CDH12: variants seen among roughly 807,000 people sequenced by gnomAD.
The protein encoded by CDH12 is cadherin 12.
CDH12 carries 41 observed loss-of-function variants against 74.1 expected under a neutral mutation model. That is an observed-to-expected ratio of 0.55 (90% CI 0.43 to 0.72). CDH12 has a LOEUF of 0.72. CDH12 is among the 30% of genes least tolerant of loss of function. The pLI is 0.00. For missense variants in CDH12, 945 were observed against 977.2 expected (o/e 0.97, Z 0.44); for synonymous variants, 399 against 355.0 (o/e 1.12, Z -1.39).
intron 8 of CDH12, among the ~76,000 whole-genome samples, chr5:21,824,102 C>T (rs1165411120): frequency 6.6e-6 from 1 of 151,998 alleles, no homozygotes; most frequent in Admixed American, 6.6e-5. Flanking sequence ...AAGACTTCTC[C>T]CCTTGGCCAC....
At position 22,075,130 on chromosome 5, in the gene CDH12, A is replaced by G. The variant is rs1156271351; in HGVS notation, c.231+3316T>C. On this transcript the variant is annotated intron_variant, in intron 5 of 14. Coordinates refer to ENST00000382254, the MANE Select transcript of CDH12 (RefSeq NM_004061.5). ...ATACACCATGGAATTCTATGCAGCC[A>G]TAAAAAAGGATGAGTTCATGTCCTT... Among the ~76,000 whole-genome samples, 8 of 152,106 alleles carry G rather than the reference A, an allele frequency of 5.3e-5. No individual in the cohort carries two copies. The East Asian group carries it at 7.8e-4, about 15-fold the overall frequency.
In CDH12 at chr5:22,160,992, C is replaced by T. The variant is rs1178919697; in HGVS notation, c.-187+51506G>A. On this transcript the variant is annotated intron_variant, in intron 4 of 14. Coordinates refer to ENST00000382254, the MANE Select transcript of CDH12 (RefSeq NM_004061.5). ...TGGGAAAGTCATGCATGGCTCTGCA[C>T]GGAGTCTCTGCCTGGCCCTCATTTA... is the stretch of plus-strand genomic sequence containing the variant. Among the ~76,000 whole-genome samples the T allele has an allele frequency of 3.9e-5, 6 of 152,116 alleles. No individual in the cohort carries two copies. In the East Asian group the frequency reaches 5.8e-4, roughly 15 times the overall value.
chr5:21,844,811 A>T (rs1451268730), intron 7 of CDH12, among the ~76,000 whole-genome samples: 2 of 152,200 alleles, frequency 1.3e-5, no homozygotes, highest in Non-Finnish European at 2.9e-5. Context: ...AAATAGACAG[A>T]TAGCTATAGA....
intron 4 of CDH12, among the ~76,000 whole-genome samples, chr5:22,171,708 C>G (rs1273106532): frequency 6.6e-6 from 1 of 151,958 alleles, no homozygotes; most frequent in African/African-American, 2.4e-5. Context: ...GAACTTAATC[C>G]TTTTAAAACT....
chr5:22,301,700 T>C lies in CDH12; in HGVS notation c.-332-89057A>G, dbSNP rs184272737. On this transcript the variant is annotated intron_variant, in intron 3 of 14. Transcript: ENST00000382254. ...AGGCTGGAGTGCAGCGGCTTGATCT[T>C]GGCTCACTGCAACCTCCATCCCACG... is the stretch of plus-strand genomic sequence containing the variant. Among the ~76,000 whole-genome samples, 111 of 152,136 alleles carry C rather than the reference T, an allele frequency of 7.3e-4. 1 individual carries two copies. The Middle Eastern group carries it at 0.01, about 14-fold the overall frequency.
At chr5:22,539,025 A>G (rs893570213) in intron 1 of CDH12, among the ~76,000 whole-genome samples, 1 of 152,192 alleles carries the variant, frequency 6.6e-6, no homozygotes, top group Non-Finnish European at 1.5e-5. Context: ...CCTCCTGAGT[A>G]GCTGGGATTA....
intron 6 of CDH12, among the ~76,000 whole-genome samples, chr5:21,974,862 A>C (rs1198749731): frequency 2.0e-5 from 3 of 152,204 alleles, no homozygotes; most frequent in Non-Finnish European, 4.4e-5. Flanking sequence ...AATTCAGGTA[A>C]ATTCACAGGG....
At chr5:22,327,884 G>C (rs1361659973) in intron 3 of CDH12, among the ~76,000 whole-genome samples, 1 of 152,168 alleles carries the variant, frequency 6.6e-6, no homozygotes, top group Admixed American at 6.5e-5. Context: ...TTGATAAATA[G>C]ATTCCAAAAA....
chr5:22,200,726 A>G (rs1171465664), intron 4 of CDH12, among the ~76,000 whole-genome samples: 2 of 152,208 alleles, frequency 1.3e-5, no homozygotes, highest in Admixed American at 6.5e-5. Context: ...TAATTGCCCA[A>G]GTAGAAGGAA....
intron 1 of CDH12, among the ~76,000 whole-genome samples, chr5:22,644,914 G>T (rs933874944): frequency 6.6e-6 from 1 of 151,958 alleles, no homozygotes; most frequent in Non-Finnish European, 1.5e-5. Flanking sequence ...CAACAAAGCC[G>T]AGATGACAGC....
intron 2 of CDH12, among the ~76,000 whole-genome samples, chr5:22,428,067 C>T (rs1744014654): frequency 2.0e-5 from 3 of 152,042 alleles, no homozygotes; most frequent in Non-Finnish European, 4.4e-5. Context: ...CTTAAAATTT[C>T]AGTGGTTACA....
intron 6 of CDH12, among the ~76,000 whole-genome samples, chr5:21,927,515 C>T (rs1036495657): frequency 2.6e-5 from 4 of 151,952 alleles, no homozygotes; most frequent in African/African-American, 9.7e-5. Flanking sequence ...CACTTGAACC[C>T]GGGAGGCGGA....
At chr5:22,452,109 A>G (rs1369375552) in intron 2 of CDH12, among the ~76,000 whole-genome samples, 5 of 151,978 alleles carry the variant, frequency 3.3e-5, no homozygotes, top group African/African-American at 7.2e-5. Context: ...CCAAGTTTAT[A>G]AACTGGAAGA....
rs180999228 is a variant in CDH12 at position 21,828,215 on chromosome 5, C to T, written c.815-11083G>A. On this transcript the variant is annotated intron_variant, in intron 8 of 14. Transcript: ENST00000382254. ...TCATCTCACTGCACCGTCCACCTTC[C>T]GGGTTCAAGCAATTCTCCTGTCTCA... 1.3e-3 allele frequency among the ~76,000 whole-genome samples: 201 copies of T among 152,014 alleles called. 1 individual carries two copies. The highest frequency in any genetic ancestry group is 4.4e-3 in the African/African-American group (184 of 41,482).
intron 1 of CDH12, among the ~76,000 whole-genome samples, chr5:22,698,705 A>AG (rs1293033374): frequency 0.22 from 4,999 of 23,088 alleles, 819 homozygotes; most frequent in African/African-American, 0.43. Flanking sequence ...ATATATATAT[A>AG]TATATATATA....
At chr5:22,442,932 T>C (rs968574869) in intron 2 of CDH12, among the ~76,000 whole-genome samples, 2 of 152,152 alleles carry the variant, frequency 1.3e-5, no homozygotes, top group African/African-American at 2.4e-5. Flanking sequence ...ACAATTTGTA[T>C]ATCAATATTG....
intron 11 of CDH12, among the ~76,000 whole-genome samples, chr5:21,776,716 T>A (rs373646082): frequency 2.0e-5 from 3 of 152,168 alleles, no homozygotes; most frequent in East Asian, 3.9e-4. Flanking sequence ...TTGAACATAT[T>A]TGCCAGAAAG....
intron 2 of CDH12, among the ~76,000 whole-genome samples, chr5:22,407,292 CT>C (rs1742980730): frequency 6.6e-6 from 1 of 152,050 alleles, no homozygotes; most frequent in African/African-American, 2.4e-5. Context: ...ATCCAATTTC[CT>C]AAACTCCAGT....
rs547634831 is a variant in CDH12 at position 21,780,847 on chromosome 5, C to T, written c.1393+2511G>A. On this transcript the variant is annotated intron_variant, in intron 11 of 14. Transcript: ENST00000382254. Reference sequence around the variant, plus strand: ...GATATATTTTAGCTGTCCCCAAATTCTGCATAAATGAAATAAATGAAAGCA... The same window carrying T: ...GATATATTTTAGCTGTCCCCAAATTTTGCATAAATGAAATAAATGAAAGCA... Among the ~76,000 whole-genome samples the T allele has an allele frequency of 6.6e-5, 10 of 152,134 alleles. No individual in the cohort carries two copies. In the South Asian group the frequency reaches 8.3e-4, roughly 13 times the overall value.
Sources: allele counts gnomAD v4.1 joint callset (sites outside exome capture counted in the v4.1 genomes callset), GRCh38; gene constraint gnomAD v4.1.1; transcripts MANE v1.5; gene names NCBI Gene and HGNC (gene_info 2026-07-23, HGNC 2026-07-21).